The following THSD7B variants were observed in gnomAD, a reference collection of about 807,000 sequenced individuals.
The protein encoded by THSD7B is thrombospondin type-1 domain-containing protein 7B.
THSD7B carries 138 observed loss-of-function variants against 213.6 expected under a neutral mutation model. That is an observed-to-expected ratio of 0.65 (90% CI 0.56 to 0.74). The LOEUF (loss-of-function observed/expected upper bound fraction) is 0.74, where lower values mean the gene tolerates loss of function less well. Ranked by LOEUF, THSD7B falls within the 30% of genes least tolerant of loss-of-function variation. The pLI, the probability that THSD7B is intolerant of heterozygous loss-of-function variation, is 0.00. For synonymous variants in THSD7B, 742 were observed against 687.0 expected (o/e 1.08, Z -1.25); for missense variants, 1,931 against 1,991.5 (o/e 0.97, Z 0.58).
chr2:137,099,218 T>C (rs1444967506), intron 4 of THSD7B, among the ~76,000 whole-genome samples: 1 of 152,184 alleles, frequency 6.6e-6, no homozygotes, highest in African/African-American at 2.4e-5. Flanking sequence ...TTGGATGTCA[T>C]GTTATTCTAT....
intron 7 of THSD7B, among the ~76,000 whole-genome samples, chr2:137,177,216 T>A (rs1315702811): frequency 1.3e-5 from 2 of 152,220 alleles, no homozygotes; most frequent in East Asian, 3.8e-4. Flanking sequence ...AACATATTAT[T>A]GAATTCCATT....
intron 15 of THSD7B, among the ~76,000 whole-genome samples, chr2:137,491,885 G>A (rs1184235256): frequency 6.6e-6 from 1 of 152,118 alleles, no homozygotes; most frequent in African/African-American, 2.4e-5. Flanking sequence ...ATTGTTTCTA[G>A]TATTCGATAT....
intron 1 of THSD7B, among the ~76,000 whole-genome samples, chr2:136,801,932 C>A (rs1002829809): frequency 2.0e-5 from 3 of 152,124 alleles, no homozygotes; most frequent in South Asian, 2.1e-4. Flanking sequence ...GGTGGTTAAA[C>A]TGTTATTGTG....
chr2:136,978,491 T>C (rs1685521235), intron 2 of THSD7B, among the ~76,000 whole-genome samples: 1 of 152,202 alleles, frequency 6.6e-6, no homozygotes, highest in South Asian at 2.1e-4. Flanking sequence ...AGTGCATATA[T>C]ATTTAGGATA....
chr2:137,454,549 T>G (rs1687724867), intron 15 of THSD7B, among the ~76,000 whole-genome samples: 1 of 152,082 alleles, frequency 6.6e-6, no homozygotes, highest in South Asian at 2.1e-4. Flanking sequence ...TTCTTATGTA[T>G]AGTAGAATCC....
chr2:137,536,438 G>C (rs367959888), intron 15 of THSD7B, among the ~76,000 whole-genome samples: 2 of 151,392 alleles, frequency 1.3e-5, no homozygotes, highest in Non-Finnish European at 3.0e-5. Context: ...GTTGGCCCAG[G>C]GTGAAAATTA....
intron 5 of THSD7B, among the ~76,000 whole-genome samples, chr2:137,135,101 C>T (rs369851811): frequency 1.3e-5 from 2 of 152,110 alleles, no homozygotes; most frequent in African/African-American, 2.4e-5. Flanking sequence ...CTTAGCTTAG[C>T]CCCTTCTGTT....
At chr2:137,205,687 G>T (rs1201542044) in intron 7 of THSD7B, among the ~76,000 whole-genome samples, 1 of 152,002 alleles carries the variant, frequency 6.6e-6, no homozygotes, top group Non-Finnish European at 1.5e-5. Flanking sequence ...CAAAAATCGA[G>T]GTGATGGAAA....
At chr2:137,277,845 T>G (rs1229415387) in intron 12 of THSD7B, among the ~76,000 whole-genome samples, 1 of 151,882 alleles carries the variant, frequency 6.6e-6, no homozygotes, top group Admixed American at 6.6e-5. Flanking sequence ...GTGTTGGGAG[T>G]TGAGGATAAA....
chr2:137,284,685 T>C (rs1165960697), intron 12 of THSD7B, among the ~76,000 whole-genome samples: 1 of 152,176 alleles, frequency 6.6e-6, no homozygotes, highest in Non-Finnish European at 1.5e-5. Flanking sequence ...AGCAGGTTGT[T>C]CAGTTTCCAT....
chr2:137,671,244 TTTTAAAA>T (rs1558878791), intron 27 of THSD7B, among the ~76,000 whole-genome samples: 1 of 39,672 alleles, frequency 2.5e-5, no homozygotes. Context: ...GCTTTTTTTT[TTTTAAAA>T]AAAAAAAAAA....
At chr2:137,295,559 T>G (rs1185716965) in intron 12 of THSD7B, among the ~76,000 whole-genome samples, 1 of 151,820 alleles carries the variant, frequency 6.6e-6, no homozygotes, top group African/African-American at 2.4e-5. Flanking sequence ...TACTGCAACC[T>G]CCTACTCCCT....
At chr2:137,430,810 A>G (rs1687163131) in intron 14 of THSD7B, among the ~76,000 whole-genome samples, 1 of 152,192 alleles carries the variant, frequency 6.6e-6, no homozygotes, top group Non-Finnish European at 1.5e-5. Flanking sequence ...CAAGTCAGCA[A>G]CCATAGGGAT....
chr2:137,608,596 A>G (rs1296177432), intron 17 of THSD7B, among the ~76,000 whole-genome samples: 2 of 152,214 alleles, frequency 1.3e-5, no homozygotes, highest in Non-Finnish European at 2.9e-5. Flanking sequence ...GTGAGATAAT[A>G]AATATGGAAT....
intron 12 of THSD7B, among the ~76,000 whole-genome samples, chr2:137,331,930 C>G (rs111461893): frequency 6.6e-6 from 1 of 152,098 alleles, no homozygotes; most frequent in Non-Finnish European, 1.5e-5. Flanking sequence ...CACGCCCACC[C>G]GGAATTCCAG....
chr2:136,840,818 G>A (rs1682909770), intron 1 of THSD7B, among the ~76,000 whole-genome samples: 1 of 151,986 alleles, frequency 6.6e-6, no homozygotes, highest in African/African-American at 2.4e-5. Flanking sequence ...AAGATGATAG[G>A]GGAAAAAGAA....
At chr2:137,100,911 A>G (rs1170957901) in intron 4 of THSD7B, among the ~76,000 whole-genome samples, 1 of 151,640 alleles carries the variant, frequency 6.6e-6, no homozygotes, top group Non-Finnish European at 1.5e-5. Context: ...TCTGTCTGTC[A>G]TTGGTTATGA....
intron 20 of THSD7B, among the ~76,000 whole-genome samples, chr2:137,629,141 G>C (rs957241480): frequency 6.6e-6 from 1 of 152,148 alleles, no homozygotes; most frequent in Non-Finnish European, 1.5e-5. Flanking sequence ...TAAAAAGAAA[G>C]TTGAAAGGGG....
chr2:136,850,106 G>A (rs1573668306), intron 1 of THSD7B, among the ~76,000 whole-genome samples: 1 of 151,954 alleles, frequency 6.6e-6, no homozygotes, highest in African/African-American at 2.4e-5. Context: ...TCTATGGTAT[G>A]AAGCCATAAA....
Sources: gnomAD v4.1 joint callset for allele counts (sites outside exome capture counted in the v4.1 genomes callset) on GRCh38, gnomAD v4.1.1 for gene constraint, MANE v1.5 for transcripts, NCBI Gene and HGNC (gene_info 2026-07-23, HGNC 2026-07-21) for gene names.